CHODL: variants seen among roughly 807,000 people sequenced by gnomAD.
The protein encoded by CHODL is transmembrane protein MT75.
CHODL carries 29 observed loss-of-function variants against 34.5 expected under a neutral mutation model. The observed-to-expected ratio is 0.84, with a 90% CI of 0.63 to 1.15. The LOEUF is 1.15. Ranked by LOEUF, CHODL falls within the 50% of genes most tolerant of loss-of-function variation. The pLI is 0.00. For synonymous variants in CHODL, 125 were observed against 116.1 expected (o/e 1.08, Z -0.49); for missense variants, 332 against 332.5 (o/e 1.00, Z 0.01).
chr21:18,207,861 ATCTTGCTGCTTTTAGGATTCTT>A (rs1439859332), intron 2 of CHODL, among the ~76,000 whole-genome samples: 2 of 151,570 alleles, frequency 1.3e-5, no homozygotes, highest in African/African-American at 4.8e-5. Context: ...TGTTTCTTTT[ATCTTGCTGCTTTTAGGATTCTT>A]TCTTGATCTT....
intron 2 of CHODL, among the ~76,000 whole-genome samples, chr21:18,061,853 T>G (rs1600952664): frequency 1.3e-5 from 2 of 152,254 alleles, no homozygotes; most frequent in South Asian, 2.1e-4. Context: ...TGATTCTGTT[T>G]TATTGGTTCT....
At chr21:18,011,419 G>T (rs2064018995) in intron 1 of CHODL, among the ~76,000 whole-genome samples, 1 of 152,104 alleles carries the variant, frequency 6.6e-6, no homozygotes, top group Admixed American at 6.5e-5. Context: ...TCTGAAGCTT[G>T]GGTTTTGAAG....
intron 1 of CHODL, among the ~76,000 whole-genome samples, chr21:18,001,932 T>C (rs1278127787): frequency 6.6e-6 from 1 of 152,092 alleles, no homozygotes; most frequent in Non-Finnish European, 1.5e-5. Flanking sequence ...GAATAATAAA[T>C]CAATGGGTAC....
intron 2 of CHODL, among the ~76,000 whole-genome samples, chr21:18,213,766 G>C (rs1057458871): frequency 4.6e-5 from 7 of 151,948 alleles, no homozygotes; most frequent in Non-Finnish European, 1.0e-4. Context: ...CAAGTATAGG[G>C]GTTTTTATCT....
intron 1 of CHODL, among the ~76,000 whole-genome samples, chr21:18,017,415 G>C (rs570434856): frequency 6.6e-6 from 1 of 152,200 alleles, no homozygotes; most frequent in Non-Finnish European, 1.5e-5. Flanking sequence ...ACCATGTGAA[G>C]ATGTGCTTGC....
chr21:18,050,091 G>T (rs567230416), intron 2 of CHODL, among the ~76,000 whole-genome samples: 2 of 152,072 alleles, frequency 1.3e-5, no homozygotes, highest in East Asian at 3.9e-4. Flanking sequence ...GCAGTGAAAA[G>T]AGTATGTGGT....
At chr21:18,157,994 A>G (rs916001691) in intron 2 of CHODL, among the ~76,000 whole-genome samples, 1 of 152,034 alleles carries the variant, frequency 6.6e-6, no homozygotes, top group Admixed American at 6.5e-5. Flanking sequence ...GCAATAATAA[A>G]TTGGGCAATA....
intron 1 of CHODL, among the ~76,000 whole-genome samples, chr21:18,012,560 C>T (rs1227460405): frequency 6.6e-6 from 1 of 151,974 alleles, no homozygotes; most frequent in Non-Finnish European, 1.5e-5. Context: ...AAATGGAGGC[C>T]CAAGAAGCTT....
intron 1 of CHODL, among the ~76,000 whole-genome samples, chr21:17,935,598 T>C (rs1259446736): frequency 6.6e-6 from 1 of 152,236 alleles, no homozygotes; most frequent in Non-Finnish European, 1.5e-5. Context: ...TTATCTTTTT[T>C]AACAAAATAC....
At chr21:18,134,291 A>G (rs1219897071) in intron 2 of CHODL, 1 of 514,364 alleles carries the variant, frequency 1.9e-6, no homozygotes, top group Non-Finnish European at 3.9e-6. Context: ...CTCTTTTGCC[A>G]CTGTTAACTT....
chr21:18,114,402 A>G (rs1157272061), intron 2 of CHODL, among the ~76,000 whole-genome samples: 1 of 152,170 alleles, frequency 6.6e-6, no homozygotes, highest in Non-Finnish European at 1.5e-5. Flanking sequence ...GTACCCCAAA[A>G]ATATATATAC....
At chr21:18,185,093 A>G (rs574688589) in intron 2 of CHODL, among the ~76,000 whole-genome samples, 79 of 152,180 alleles carry the variant, frequency 5.2e-4, no homozygotes, top group African/African-American at 1.8e-3. Context: ...TTACATAGGT[A>G]TACACGTGCC....
At chr21:18,048,836 G>C (rs972195973) in intron 2 of CHODL, among the ~76,000 whole-genome samples, 1 of 151,668 alleles carries the variant, frequency 6.6e-6, no homozygotes, top group African/African-American at 2.4e-5. Flanking sequence ...TCCTTCTGGG[G>C]GGCAGAAATG....
At chr21:18,091,968 G>T (rs948276602) in intron 2 of CHODL, among the ~76,000 whole-genome samples, 3 of 152,088 alleles carry the variant, frequency 2.0e-5, no homozygotes, top group South Asian at 2.1e-4. Context: ...GGATATTTTT[G>T]ACTTCAATCT....
At chr21:17,953,827 T>A (rs918945794) in intron 1 of CHODL, among the ~76,000 whole-genome samples, 2 of 152,002 alleles carry the variant, frequency 1.3e-5, no homozygotes, top group East Asian at 3.9e-4. Flanking sequence ...CTGACCAACA[T>A]GGTGAAACCT....
rs1255912835 is a variant in CHODL, at chr21:17,956,482, C to G, written c.-145+39082C>G. Among the ~76,000 whole-genome samples the G allele has an allele frequency of 1.5e-5, 2 of 136,928 alleles. 1 individual carries two copies. The allele number at this position is 136,928 out of a possible 152,430, so 89.8% of individuals were successfully genotyped here. On this transcript the variant is annotated intron_variant, in intron 1 of 6. Coordinates refer to the CHODL transcript ENST00000400127. ...TTTCTTTATTGCAATGCAAGAACAA[C>G]CTAAGATACCATCCTTCCAATCTTT...
At chr21:18,094,653 C>CA (rs1426442149) in intron 2 of CHODL, among the ~76,000 whole-genome samples, 1 of 143,624 alleles carries the variant, frequency 7.0e-6, no homozygotes, top group Non-Finnish European at 1.5e-5. Flanking sequence ...TTTCTGGTAA[C>CA]AAATTATAAT....
intron 2 of CHODL, among the ~76,000 whole-genome samples, chr21:18,204,182 T>G (rs548448719): frequency 1.3e-5 from 2 of 152,252 alleles, no homozygotes; most frequent in South Asian, 4.1e-4. Flanking sequence ...GAACATATTT[T>G]GAAATGAAAG....
intron 1 of CHODL, among the ~76,000 whole-genome samples, chr21:17,921,586 G>A (rs2063183746): frequency 6.6e-6 from 1 of 152,206 alleles, no homozygotes; most frequent in African/African-American, 2.4e-5. Context: ...AAAAGATTAG[G>A]TGGAATAGAC....
Sources: allele counts gnomAD v4.1 joint callset (sites outside exome capture counted in the v4.1 genomes callset), GRCh38; gene constraint gnomAD v4.1.1; transcripts MANE v1.5; gene names NCBI Gene and HGNC (gene_info 2026-07-23, HGNC 2026-07-21).